Variants in ROR2 observed in about 807,000 individuals in gnomAD.
The protein encoded by ROR2 is tyrosine-protein kinase transmembrane receptor ROR2.
Under a neutral mutation model 74.9 loss-of-function variants are expected in ROR2, and 33 were observed. The ratio of observed to expected loss-of-function variants is 0.44; its 90% CI spans 0.33 to 0.59. The LOEUF (loss-of-function observed/expected upper bound fraction) is 0.59, where lower values mean the gene tolerates loss of function less well. Ranked by LOEUF, ROR2 falls within the 20% of genes least tolerant of loss-of-function variation. ROR2 has a pLI of 0.02. For synonymous variants in ROR2, 586 were observed against 558.7 expected (o/e 1.05, Z -0.69); for missense variants, 1,216 against 1,313.8 (o/e 0.93, Z 1.15).
At chr9:91,839,435 G>A (rs1029234142) in intron 1 of ROR2, among the ~76,000 whole-genome samples, 2 of 151,300 alleles carry the variant, frequency 1.3e-5, no homozygotes, top group Non-Finnish European at 3.0e-5. Flanking sequence ...TGTATGTGTG[G>A]TGTGGGGTGT....
intron 1 of ROR2, among the ~76,000 whole-genome samples, chr9:91,880,255 A>T (rs1225045505): frequency 2.0e-5 from 3 of 152,190 alleles, no homozygotes; most frequent in Non-Finnish European, 4.4e-5. Flanking sequence ...AGGCCACAGG[A>T]GAAACCAGCC....
chr9:91,762,955 T>A (rs570276052), intron 2 of ROR2, among the ~76,000 whole-genome samples: 51 of 152,222 alleles, frequency 3.4e-4, no homozygotes, highest in African/African-American at 1.2e-3. Context: ...CATGACTGGA[T>A]AAAGAAAATG....
intron 1 of ROR2, among the ~76,000 whole-genome samples, chr9:91,792,790 G>A (rs1564279968): frequency 1.3e-5 from 2 of 152,120 alleles, no homozygotes; most frequent in Admixed American, 6.5e-5. Flanking sequence ...TAACCTAGAG[G>A]AAATGGACAA....
intron 1 of ROR2, among the ~76,000 whole-genome samples, chr9:91,863,455 T>TATAGATAG (rs556240848): frequency 6.6e-6 from 1 of 151,996 alleles, no homozygotes; most frequent in Non-Finnish European, 1.5e-5. Context: ...CCCCACTGTC[T>TATAGATAG]ATAGATAGAT....
chr9:91,817,258 C>G (rs1451473324), intron 1 of ROR2, among the ~76,000 whole-genome samples: 1 of 152,222 alleles, frequency 6.6e-6, no homozygotes, highest in Non-Finnish European at 1.5e-5. Context: ...AGGGGCAGAA[C>G]TGGACTGTCC....
intron 1 of ROR2, among the ~76,000 whole-genome samples, chr9:91,935,003 T>G (rs1231304681): frequency 5.9e-5 from 9 of 152,204 alleles, no homozygotes; most frequent in Admixed American, 2.6e-4. Context: ...TCTTACATAA[T>G]TACGTTCTTG....
At chr9:91,826,577 C>G (rs558499124) in intron 1 of ROR2, among the ~76,000 whole-genome samples, 1 of 151,882 alleles carries the variant, frequency 6.6e-6, no homozygotes, top group Non-Finnish European at 1.5e-5. Context: ...GTCAGGAGAT[C>G]GAGACCATCC....
intron 1 of ROR2, among the ~76,000 whole-genome samples, chr9:91,789,737 T>C (rs1826912239): frequency 6.6e-6 from 1 of 152,030 alleles, no homozygotes; most frequent in Admixed American, 6.6e-5. Flanking sequence ...AACTATCTAA[T>C]GCAAACAAGG....
intron 1 of ROR2, among the ~76,000 whole-genome samples, chr9:91,795,421 G>A (rs1827134940): frequency 6.6e-6 from 1 of 152,272 alleles, no homozygotes; most frequent in East Asian, 1.9e-4. Context: ...TTAAACTACT[G>A]TTTGTGATTA....
chr9:91,814,831 G>T (rs113437987), intron 1 of ROR2, among the ~76,000 whole-genome samples: 1 of 152,224 alleles, frequency 6.6e-6, no homozygotes, highest in Non-Finnish European at 1.5e-5. Flanking sequence ...ATGGCTGGAC[G>T]ATGGGCCCAT....
intron 1 of ROR2, among the ~76,000 whole-genome samples, chr9:91,942,097 C>A (rs564196140): frequency 6.6e-6 from 1 of 152,290 alleles, no homozygotes; most frequent in African/African-American, 2.4e-5. Flanking sequence ...CCCCTGTGGT[C>A]TTCTTCAAGC....
At chr9:91,726,474 G>C (rs982196810) in intron 8 of ROR2, 67 bp downstream of exon 8, 11 of 1,395,070 alleles carry the variant, frequency 7.9e-6, no homozygotes, top group Non-Finnish European at 1.1e-5. Context: ...TTTAATGTTG[G>C]GGGAAACAAC....
chr9:91,868,411 C>T (rs1322097702), intron 1 of ROR2, among the ~76,000 whole-genome samples: 2 of 151,956 alleles, frequency 1.3e-5, no homozygotes, highest in African/African-American at 2.4e-5. Flanking sequence ...AAAAGAGTGA[C>T]GAAGTGACTA....
intron 1 of ROR2, among the ~76,000 whole-genome samples, chr9:91,901,283 T>C (rs1418959173): frequency 6.6e-6 from 1 of 152,134 alleles, no homozygotes; most frequent in East Asian, 1.9e-4. Flanking sequence ...CAAATCTGCA[T>C]GTCAGTAGTT....
rs2118118942 is a variant in ROR2, at chr9:91,948,995, T to C, written c.97+872A>G. The C allele has an allele frequency of 3.2e-6, 3 of 924,168 alleles. No homozygotes were observed. The East Asian group carries it at 3.5e-4, about 109-fold the overall frequency. 57.2% of individuals were successfully genotyped at this position (924,168 alleles called of 1,614,324 possible). On this transcript the variant is annotated intron_variant, in intron 1 of 8. Transcript: ENST00000375708. ...CTTCCGAACCTCCCCGCCGTTCCTCTGCGCCCCGGATCCAAGCAGCCGAAA... is the reference window on the plus strand; with the variant it reads ...CTTCCGAACCTCCCCGCCGTTCCTCCGCGCCCCGGATCCAAGCAGCCGAAA...
intron 1 of ROR2, among the ~76,000 whole-genome samples, chr9:91,842,995 T>C (rs1473548025): frequency 1.3e-5 from 2 of 152,128 alleles, no homozygotes; most frequent in Non-Finnish European, 2.9e-5. Context: ...CACTCTGGGG[T>C]TTCTTTTCCT....
At chr9:91,782,847 G>A (rs555349638) in intron 1 of ROR2, among the ~76,000 whole-genome samples, 91 of 152,316 alleles carry the variant, frequency 6.0e-4, no homozygotes, top group African/African-American at 2.0e-3. Context: ...AATCAAACAG[G>A]GGTAAATGTC....
At chr9:91,783,508 G>A (rs529871258) in intron 1 of ROR2, among the ~76,000 whole-genome samples, 28 of 152,184 alleles carry the variant, frequency 1.8e-4, no homozygotes, top group South Asian at 8.3e-4. Context: ...TCCCTTCTGA[G>A]GCCAACTCTC....
chr9:91,853,049 G>T (rs1829160741), intron 1 of ROR2, among the ~76,000 whole-genome samples: 1 of 152,258 alleles, frequency 6.6e-6, no homozygotes, highest in African/African-American at 2.4e-5. Flanking sequence ...CCACCATGGA[G>T]CGTGGAGGAC....
Sources: allele counts gnomAD v4.1 joint callset (sites outside exome capture counted in the v4.1 genomes callset), GRCh38; gene constraint gnomAD v4.1.1; transcripts MANE v1.5; gene names NCBI Gene and HGNC (gene_info 2026-07-23, HGNC 2026-07-21).